ACAD9: variants seen among roughly 807,000 people sequenced by gnomAD.
ACAD9 encodes the protein acyl-CoA dehydrogenase family member 9.
In ACAD9, 53 loss-of-function variants were observed where a neutral mutation model predicts 70.2. The observed-to-expected ratio is 0.75, with a 90% CI of 0.61 to 0.95. The LOEUF is 0.95. ACAD9 is among the 40% of genes least tolerant of loss of function. ACAD9 has a pLI of 0.00. For synonymous variants in ACAD9, 313 were observed against 312.1 expected, an observed-to-expected ratio of 1.00 and a Z score of -0.03; for missense variants, 777 against 802.8, an observed-to-expected ratio of 0.97 and a Z score of 0.39.
At chr3:128,893,211 G>A (rs1334549861) in intron 2 of ACAD9, among the ~76,000 whole-genome samples, 1 of 151,774 alleles carries the variant, frequency 6.6e-6, no homozygotes, top group Admixed American at 6.6e-5. Context: ...TTAGCTGGGT[G>A]TGGTGGTATA....
chr3:128,890,354 C>T (rs1315691341), intron 2 of ACAD9, among the ~76,000 whole-genome samples: 2 of 151,898 alleles, frequency 1.3e-5, no homozygotes, highest in Admixed American at 6.6e-5. Context: ...CCATAGTGCT[C>T]GGATTACAGG....
At chr3:128,892,315 A>G (rs1935444000) in intron 2 of ACAD9, among the ~76,000 whole-genome samples, 1 of 152,216 alleles carries the variant, frequency 6.6e-6, no homozygotes, top group African/African-American at 2.4e-5. Context: ...TAAAAAATGA[A>G]GGGTTTGGCC....
At chr3:128,912,023 C>T (rs533184470) in intron 17 of ACAD9, among the ~76,000 whole-genome samples, 1 of 152,366 alleles carries the variant, frequency 6.6e-6, no homozygotes, top group Admixed American at 6.5e-5. Flanking sequence ...GTCCTGTTGA[C>T]CTGAGGTTCT....
intron 6 of ACAD9, among the ~76,000 whole-genome samples, chr3:128,898,976 A>T (rs942098916): frequency 6.6e-6 from 1 of 152,096 alleles, no homozygotes; most frequent in African/African-American, 2.4e-5. Flanking sequence ...AAATGATTAA[A>T]CCCTTTCTTT....
chr3:128,890,921 A>C (rs1238709993), intron 2 of ACAD9, among the ~76,000 whole-genome samples: 5 of 150,914 alleles, frequency 3.3e-5, no homozygotes, highest in Non-Finnish European at 7.4e-5. Flanking sequence ...GGCCCACTAC[A>C]ACCTCTGCCT....
At chr3:128,879,878 T>TCC in intron 1 of ACAD9, 37 bp downstream of exon 1, 1 of 1,613,506 alleles carries the variant, frequency 6.2e-7, no homozygotes. Flanking sequence ...GCTGTCTGGC[T>TCC]CCCGCTTTTC....
intron 1 of ACAD9, 64 bp downstream of exon 1, chr3:128,879,905 C>G (rs1317744610): frequency 5.6e-6 from 9 of 1,611,858 alleles, no homozygotes; most frequent in African/African-American, 1.3e-5. Flanking sequence ...AGCTGCAAGA[C>G]TGGTGTTGAA....
chr3:128,902,704 T>TC lies in ACAD9; in HGVS notation c.958+81dup. 2 of 1,510,858 alleles carry TC rather than the reference T, an allele frequency of 1.3e-6. No individual in the cohort carries two copies. The highest frequency in any genetic ancestry group is 2.3e-5 in the South Asian group (2 of 85,888). 93.6% of individuals were successfully genotyped at this position (1,510,858 alleles called of 1,614,324 possible). A position where few individuals can be genotyped will look rare whatever the true frequency, so the allele number is the denominator to read the frequency against. On this transcript the variant is annotated intron_variant, in intron 9 of 17. Transcript: ENST00000308982. The surrounding 1 kb of genome is among the most constrained non-coding windows in gnomAD (Gnocchi z 4.0). ...GCTCCAACCCTGGAGGCTCTGCCATTCCCCCGGCCCCTTCCAGGCCAGTGC... is the reference window on the plus strand; with the variant it reads ...GCTCCAACCCTGGAGGCTCTGCCATTCCCCCCGGCCCCTTCCAGGCCAGTGC...
At chr3:128,888,755 CTTAT>C (rs930252027) in intron 2 of ACAD9, among the ~76,000 whole-genome samples, 66 of 152,108 alleles carry the variant, frequency 4.3e-4, no homozygotes, top group African/African-American at 1.6e-3. Context: ...TTAAAAGTTG[CTTAT>C]TTATATATAA....
intron 2 of ACAD9, among the ~76,000 whole-genome samples, chr3:128,885,470 C>T (rs1935218439): frequency 6.6e-6 from 1 of 152,174 alleles, no homozygotes; most frequent in Admixed American, 6.5e-5. Context: ...CATCTCACCA[C>T]CACCTCCATC....
At chr3:128,882,226 A>G (rs1342625050) in intron 1 of ACAD9, among the ~76,000 whole-genome samples, 1 of 152,194 alleles carries the variant, frequency 6.6e-6, no homozygotes, top group East Asian at 1.9e-4. Flanking sequence ...CTGTACTAAG[A>G]GGTCTAACAG....
chr3:128,909,137 C>G, intron 14 of ACAD9, 38 bp downstream of exon 14: 1 of 1,612,940 alleles, frequency 6.2e-7, no homozygotes, highest in Non-Finnish European at 8.5e-7. Context: ...TATTTCAATG[C>G]CCTCCTGCCA....
Position 128,902,659 on chromosome 3 carries a change from C to T in ACAD9, c.958+31C>T, listed in dbSNP as rs961538202. 3 of 1,610,342 alleles carry T rather than the reference C, an allele frequency of 1.9e-6. No individual in the cohort carries two copies. Among genetic ancestry groups the T allele is most frequent in the Admixed American group, 1.7e-5 (1 of 59,952 alleles). ...TAAGTTAGGGACAAGGCCCTTTGTG[C>T]CCCACCCCCTGCTGCCCCGGCTCCA... On this transcript the variant is annotated intron_variant, in intron 9 of 17. Coordinates refer to ENST00000308982, the MANE Select transcript of ACAD9 (RefSeq NM_014049.5). This position sits in a 1 kb window ranked among gnomAD's most constrained non-coding sequence, Gnocchi z 4.0.
chr3:128,882,807 C>T (rs1935130697), intron 1 of ACAD9, among the ~76,000 whole-genome samples: 1 of 152,222 alleles, frequency 6.6e-6, no homozygotes, highest in Admixed American at 6.5e-5. Flanking sequence ...CAATTGAACT[C>T]TCCTCCCCTA....
intron 2 of ACAD9, among the ~76,000 whole-genome samples, chr3:128,890,411 T>C (rs1170188351): frequency 6.6e-6 from 1 of 151,922 alleles, no homozygotes; most frequent in Non-Finnish European, 1.5e-5. Flanking sequence ...TTTAGAAACT[T>C]TATAGTTTTG....
rs1197508594 is a variant in ACAD9 at position 128,906,248 on chromosome 3, A to C, written c.1277A>C (p.Glu426Ala). 1.2e-6 allele frequency: 2 copies of C among 1,610,460 alleles called. No individual in the cohort carries two copies. Among genetic ancestry groups the C allele is most frequent in the South Asian group, 1.1e-5 (1 of 91,036 alleles). The change falls in exon 12 of 18, where the codon GAG (glutamate) becomes GCG (alanine). Residue 426 changes from glutamate (E) to alanine (A), a missense_variant and splice_region_variant. Transcript: ENST00000308982. ...GACACCCGCATCCTCCTCATCTTCG[A>C]GGTGAGTGGCCCCGCCACCAGCTAA... Reference protein sequence around the residue: ...LRDTRILLIFEGTNEILRMYI... With the variant: ...LRDTRILLIFAGTNEILRMYI...
In ACAD9 at chr3:128,898,245, C is replaced by T. The variant is rs767571497; in HGVS notation, c.633+535C>T. On this transcript the variant is annotated intron_variant, in intron 6 of 17. Coordinates refer to ENST00000308982, the MANE Select transcript of ACAD9 (RefSeq NM_014049.5). ...TGGCTGGCCCTAACTCCGGCAGTCA[C>T]CTGCTTATGGCCACTGTGCCTCTTC... Among the ~76,000 whole-genome samples the T allele has an allele frequency of 3.9e-5, 6 of 152,264 alleles. 1 individual carries two copies. In the East Asian group the frequency reaches 1.2e-3, roughly 29 times the overall value.
At chr3:128,908,456 C>CT (rs1244601238) in intron 13 of ACAD9, 192 bp downstream of exon 13, 1 of 668,862 alleles carries the variant, frequency 1.5e-6, no homozygotes, top group African/African-American at 1.8e-5. Flanking sequence ...CTGCCCTGCC[C>CT]TTATGGCCAC....
At chr3:128,912,298 G>C (rs896242232) in intron 17 of ACAD9, among the ~76,000 whole-genome samples, 2 of 152,192 alleles carry the variant, frequency 1.3e-5, no homozygotes, top group African/African-American at 4.8e-5. Flanking sequence ...AGATGAGCAG[G>C]ATGAGTCCTT....
Sources: allele counts gnomAD v4.1 joint callset (sites outside exome capture counted in the v4.1 genomes callset), GRCh38; gene constraint gnomAD v4.1.1; non-coding constraint Gnocchi (gnomAD v3.1); transcripts MANE v1.5; gene names NCBI Gene and HGNC (gene_info 2026-07-23, HGNC 2026-07-21).